Variants in ZNF70 observed in about 807,000 individuals in gnomAD.
ZNF70 encodes the protein zinc finger protein 70, also known as zinc finger protein N27C7-1.
ZNF70 carries 18 observed loss-of-function variants against 37.7 expected under a neutral mutation model. That is an observed-to-expected ratio of 0.48 (90% CI 0.33 to 0.71). ZNF70 has a LOEUF of 0.71. ZNF70 is among the 30% of genes least tolerant of loss of function. The pLI is 0.02. For missense variants in ZNF70, 506 were observed against 568.6 expected (o/e 0.89, Z 1.12); for synonymous variants, 219 against 220.1 (o/e 0.99, Z 0.05).
rs1924860399 is a variant in ZNF70 at position 23,740,972 on chromosome 22, G to A, written c.*2828C>T. ...AGAAAGTGCACATTTCAAAATGCAAGAACAGCACAGAATTATGAGCTGGGA... is the reference window on the plus strand; with the variant it reads ...AGAAAGTGCACATTTCAAAATGCAAAAACAGCACAGAATTATGAGCTGGGA... On this transcript the variant is annotated 3_prime_UTR_variant, in exon 2 of 2. Transcript: ENST00000341976. 2 of 152,226 alleles carry A rather than the reference G, an allele frequency of 1.3e-5. No homozygotes were observed. Among genetic ancestry groups the A allele is most frequent in the African/African-American group, 4.8e-5 (2 of 41,396 alleles). The allele number at this position is 152,226 out of a possible 1,614,324, so 9.4% of individuals were successfully genotyped here. A position where few individuals can be genotyped will look rare whatever the true frequency, so the allele number is the denominator to read the frequency against.
rs896983399 is a variant in ZNF70 at position 23,740,767 on chromosome 22, A to C, written c.*3033T>G. The C allele has an allele frequency of 3.3e-5, 5 of 150,256 alleles. No individual in the cohort carries two copies. The highest frequency in any genetic ancestry group is 1.3e-4 in the African/African-American group (5 of 39,902). The allele number at this position is 150,256 out of a possible 1,614,324, so 9.3% of individuals were successfully genotyped here. On this transcript the variant is annotated 3_prime_UTR_variant, in exon 2 of 2. Transcript: ENST00000341976. Reference sequence around the variant, plus strand: ...GTGAGACTCTGTCTCAAAAAAAAAAAAAAAAAAAAAAAAACTAATAAAACA... The same window carrying C: ...GTGAGACTCTGTCTCAAAAAAAAAACAAAAAAAAAAAAAACTAATAAAACA...
chr22:23,744,124 C>G lies in ZNF70; in HGVS notation c.1017G>C (p.Gln339His), dbSNP rs1374779691. 6.2e-6 allele frequency: 10 copies of G among 1,611,310 alleles called. No individual in the cohort carries two copies. Among genetic ancestry groups the G allele is most frequent in the Non-Finnish European group, 8.5e-6 (10 of 1,179,114 alleles). ...TCTGGCTGAAGGCTTTCCCACACTT[C>G]TGGCATTTGTAGGGCTTCTCGCCAG... ...THTGEKPYKCQKCGKAFSQSS... is the reference protein window; with the variant it reads ...THTGEKPYKCHKCGKAFSQSS... The change falls in exon 2 of 2, where the codon CAG (glutamine) becomes CAC (histidine). Residue 339 changes from glutamine to histidine, a missense_variant. Transcript: ENST00000341976.
chr22:23,745,562 G>C (rs150044787), intron 1 of ZNF70, among the ~76,000 whole-genome samples: 1 of 152,048 alleles, frequency 6.6e-6, no homozygotes, highest in African/African-American at 2.4e-5. Context: ...TTGAGGTCAG[G>C]AGTTCAAAAC....
At chr22:23,749,878 T>C (rs961747174) in intron 1 of ZNF70, among the ~76,000 whole-genome samples, 2 of 152,098 alleles carry the variant, frequency 1.3e-5, no homozygotes, top group African/African-American at 4.8e-5. Context: ...ATTTTTACTG[T>C]AGTTCTCCTT....
chr22:23,748,794 C>T (rs1327500309), intron 1 of ZNF70, among the ~76,000 whole-genome samples: 1 of 152,066 alleles, frequency 6.6e-6, no homozygotes, highest in African/African-American at 2.4e-5. Flanking sequence ...ATCCGCCCAC[C>T]TTGGCATCCC....
At chr22:23,747,426 C>T (rs1925166770) in intron 1 of ZNF70, among the ~76,000 whole-genome samples, 1 of 152,184 alleles carries the variant, frequency 6.6e-6, no homozygotes, top group African/African-American at 2.4e-5. Context: ...ACAGTTTCAT[C>T]TCAAAACCAT....
rs914244793 is a variant in ZNF70, at chr22:23,739,040, T to C, written c.*4760A>G. The C allele has an allele frequency of 6.6e-6, 1 of 152,130 alleles. No homozygotes were observed. Among genetic ancestry groups the C allele is most frequent in the African/African-American group, 2.4e-5 (1 of 41,420 alleles). The allele number at this position is 152,130 out of a possible 1,614,324, so 9.4% of individuals were successfully genotyped here. On this transcript the variant is annotated 3_prime_UTR_variant, in exon 2 of 2. Transcript: ENST00000341976. Reference sequence around the variant, plus strand: ...GGCCATGGACCCCCAGATTAAGAACTCTAAAGTAAATGAAAGTCAGAGAAA... The same window carrying C: ...GGCCATGGACCCCCAGATTAAGAACCCTAAAGTAAATGAAAGTCAGAGAAA...
At chr22:23,745,660 A>G (rs1925096095) in intron 1 of ZNF70, among the ~76,000 whole-genome samples, 1 of 152,110 alleles carries the variant, frequency 6.6e-6, no homozygotes, top group Non-Finnish European at 1.5e-5. Flanking sequence ...AATCCCAGCT[A>G]CTAGGGAGGC....
chr22:23,747,599 AG>A (rs577562087), intron 1 of ZNF70, among the ~76,000 whole-genome samples: 47 of 152,158 alleles, frequency 3.1e-4, no homozygotes, highest in Non-Finnish European at 5.3e-4. Context: ...TGGGAAGCCG[AG>A]GTGGGCAGAT....
intron 1 of ZNF70, among the ~76,000 whole-genome samples, chr22:23,746,308 G>C (rs1242878160): frequency 6.9e-6 from 1 of 144,742 alleles, no homozygotes; most frequent in African/African-American, 2.5e-5. Flanking sequence ...CCAACTTCAA[G>C]TGATTCTCCT....
At chr22:23,748,852 G>T (rs1252486714) in intron 1 of ZNF70, among the ~76,000 whole-genome samples, 1 of 151,716 alleles carries the variant, frequency 6.6e-6, no homozygotes, top group Non-Finnish European at 1.5e-5. Context: ...GCCCAGAAAT[G>T]ATTTTTTTAA....
intron 1 of ZNF70, among the ~76,000 whole-genome samples, chr22:23,749,213 T>G (rs1297192546): frequency 1.3e-5 from 2 of 151,688 alleles, no homozygotes; most frequent in Non-Finnish European, 2.9e-5. Context: ...TTACAAAAAT[T>G]ACAGCGCGTC....
chr22:23,744,510 G>T lies in ZNF70; in HGVS notation c.631C>A (p.Leu211Ile). 6.2e-7 allele frequency: 1 copy of T among 1,613,014 alleles called. No individual in the cohort carries two copies. Among genetic ancestry groups the T allele is most frequent in the Non-Finnish European group, 8.5e-7 (1 of 1,179,672 alleles). The change falls in exon 2 of 2, where the codon CTC becomes ATC. Residue 211 changes from leucine to isoleucine, a missense_variant. Transcript: ENST00000341976. ...CGKAFRQSSA[L>I]TQHQKIHTGK... ...GTGTGGATCTTTTGGTGTTGCGTGA[G>T]GGCTGAGCTCTGGCGGAAGGCCTTC...
In ZNF70 at chr22:23,744,347, G is replaced by A; in HGVS notation, c.794C>T (p.Ser265Leu). The A allele has an allele frequency of 6.2e-7, 1 of 1,613,990 alleles. No homozygotes were observed. Among genetic ancestry groups the A allele is most frequent in the Non-Finnish European group, 8.5e-7 (1 of 1,179,974 alleles). ...GATCTTCCGATGCTGGCTCAGGCCTGAGCTCTGGTTGAAGGATTTCCCACA... is the reference window on the plus strand; with the variant it reads ...GATCTTCCGATGCTGGCTCAGGCCTAAGCTCTGGTTGAAGGATTTCCCACA... ...KECGKSFNQS[S>L]GLSQHRKIHT... is the part of the protein sequence containing the mutation. The change falls in exon 2 of 2, where the codon TCA (serine) becomes TTA (leucine). Residue 265 changes from serine (S) to leucine (L), a missense_variant. Transcript: ENST00000341976.
intron 1 of ZNF70, among the ~76,000 whole-genome samples, chr22:23,749,667 C>T (rs1158473132): frequency 6.6e-6 from 1 of 151,992 alleles, no homozygotes; most frequent in Admixed American, 6.6e-5. Flanking sequence ...TTTCTGAGCT[C>T]ATGCGATCCA....
At chr22:23,747,256 C>T (rs1012259726) in intron 1 of ZNF70, among the ~76,000 whole-genome samples, 5 of 152,086 alleles carry the variant, frequency 3.3e-5, no homozygotes, top group African/African-American at 9.7e-5. Flanking sequence ...AGGAGGTGAG[C>T]GGAAGGTGAG....
In ZNF70 at chr22:23,743,921, A is replaced by G. The variant is rs1569134281; in HGVS notation, c.1220T>C (p.Ile407Thr). The G allele has an allele frequency of 3.1e-6, 5 of 1,613,296 alleles. No individual in the cohort carries two copies. The highest frequency in any genetic ancestry group is 1.7e-4 in the Middle Eastern group (1 of 6,056). ...GKAFRHRSAL[I>T]EHYKTHTREK... ...TCTGGTGTGGGTTTTATAGTGCTCA[A>G]TGAGGGCTGACCGGTGCCGGAAGGC... Residue 407 changes from isoleucine (I) to threonine (T), a missense_variant, in exon 2 of 2, where the codon ATT becomes ACT. Transcript: ENST00000341976.
At position 23,745,170 on chromosome 22, in the gene ZNF70, T is replaced by C; in HGVS notation, c.-30A>G. On this transcript the variant is annotated 5_prime_UTR_variant, in exon 2 of 2. The change creates a new upstream start codon in the 5' untranslated region. Transcript: ENST00000341976. ...AATCTGCTATCATCCCCAATGGTTGTATTTCTTTAAAAATGTTCTTCTTTG... is the reference window on the plus strand; with the variant it reads ...AATCTGCTATCATCCCCAATGGTTGCATTTCTTTAAAAATGTTCTTCTTTG... 6.3e-7 allele frequency: 1 copy of C among 1,584,976 alleles called. No individual in the cohort carries two copies. Among genetic ancestry groups the C allele is most frequent in the Non-Finnish European group, 8.6e-7 (1 of 1,165,010 alleles).
rs41277299 is a variant in ZNF70, at chr22:23,743,680, G to A, written c.*120C>T. The A allele has an allele frequency of 0.15, 204,951 of 1,381,972 alleles. 17,181 individuals are homozygous for A. Among genetic ancestry groups the A allele is most frequent in the Non-Finnish European group, 0.17 (174,856 of 1,017,168 alleles). The allele number at this position is 1,381,972 out of a possible 1,614,324, so 85.6% of individuals were successfully genotyped here. On this transcript the variant is annotated 3_prime_UTR_variant, in exon 2 of 2. Transcript: ENST00000341976. ...TCCTGCTAGTGGGATGTTCAAGAGC[G>A]CTTAGGTGGGAAGGTTTCCATTCAG...
Sources: gnomAD v4.1 joint callset for allele counts (sites outside exome capture counted in the v4.1 genomes callset) on GRCh38, gnomAD v4.1.1 for gene constraint, MANE v1.5 for transcripts, NCBI Gene and HGNC (gene_info 2026-07-23, HGNC 2026-07-21) for gene names.